Variants in GPAT3 observed in about 807,000 individuals in gnomAD.
GPAT3 encodes 1-AGP acyltransferase 9.
A neutral mutation model predicts 58.8 loss-of-function variants in GPAT3; 53 were observed. That is an observed-to-expected ratio of 0.90 (90% CI 0.72 to 1.13). The LOEUF is 1.13. Among genes scored for constraint, GPAT3 ranks in the 50% most tolerant of loss-of-function variants. GPAT3 has a pLI of 0.00. For missense variants in GPAT3, 511 were observed against 527.6 expected (o/e 0.97, Z 0.31); for synonymous variants, 197 against 187.4 (o/e 1.05, Z -0.42).
At position 83,551,529 on chromosome 4, in the gene GPAT3, C is replaced by T. The variant is rs550075315; in HGVS notation, c.208+6927C>T. On this transcript the variant is annotated intron_variant, in intron 2 of 11. Transcript: ENST00000264409. The stretch of plus-strand genomic sequence containing the variant: ...TATACCTGGGCTGGGCGCAGTGGCT[C>T]ATGCCTGTAATCCCAGCACTTTGGG... Among the ~76,000 whole-genome samples, 231 of 152,132 alleles carry T rather than the reference C, an allele frequency of 1.5e-3. 1 individual carries two copies. Among genetic ancestry groups the T allele is most frequent in the Non-Finnish European group, 2.6e-3 (180 of 67,998 alleles).
chr4:83,547,493 C>CCGCT (rs1724585173), intron 2 of GPAT3, among the ~76,000 whole-genome samples: 1 of 151,968 alleles, frequency 6.6e-6, no homozygotes, highest in African/African-American at 2.4e-5. Context: ...ACCTTGTGAT[C>CCGCT]TGCCCACCTC....
At chr4:83,542,932 A>C (rs1309216902) in intron 1 of GPAT3, among the ~76,000 whole-genome samples, 1 of 152,142 alleles carries the variant, frequency 6.6e-6, no homozygotes, top group Non-Finnish European at 1.5e-5. Context: ...CTGGAGGTGG[A>C]GATTGCAGTG....
intron 4 of GPAT3, 117 bp downstream of exon 4, chr4:83,587,446 A>T: frequency 2.0e-6 from 2 of 996,184 alleles, no homozygotes; most frequent in Non-Finnish European, 2.9e-6. Flanking sequence ...ATTATTTTTG[A>T]GACGGAGTCT....
At chr4:83,578,520 A>G (rs539868447) in intron 2 of GPAT3, among the ~76,000 whole-genome samples, 1 of 152,166 alleles carries the variant, frequency 6.6e-6, no homozygotes, top group South Asian at 2.1e-4. Context: ...TTGAACTTGC[A>G]TTCTTATCTC....
chr4:83,546,649 G>A (rs1213289806), intron 2 of GPAT3, among the ~76,000 whole-genome samples: 3 of 152,062 alleles, frequency 2.0e-5, no homozygotes, highest in Admixed American at 2.0e-4. Flanking sequence ...ATTGGAAATT[G>A]ACTCTCACAG....
At chr4:83,595,147 G>A (rs1726773357) in intron 7 of GPAT3, 187 bp downstream of exon 7, 2 of 500,286 alleles carry the variant, frequency 4.0e-6, no homozygotes, top group South Asian at 2.6e-5. Context: ...CTGTAGTCAT[G>A]GTAGGATATA....
intron 1 of GPAT3, 97 bp from the exon 2 acceptor site, chr4:83,544,439 G>A (rs1724426415): frequency 4.1e-6 from 5 of 1,229,432 alleles, no homozygotes; most frequent in Non-Finnish European, 6.0e-6. Flanking sequence ...CACTGCCAGA[G>A]CTTGATGTGT....
At chr4:83,549,444 C>CGTGTGTGT (rs142294690) in intron 2 of GPAT3, among the ~76,000 whole-genome samples, 3 of 145,748 alleles carry the variant, frequency 2.1e-5, no homozygotes, top group African/African-American at 2.5e-5. Context: ...TTTTATTTTG[C>CGTGTGTGT]GTGTGTGTGT....
At position 83,596,914 on chromosome 4, in the gene GPAT3, G is replaced by C. The variant is rs754810634; in HGVS notation, c.910+1G>C. 4.4e-6 allele frequency: 7 copies of C among 1,601,716 alleles called. No homozygotes were observed. In the East Asian group the frequency reaches 1.3e-4, roughly 31 times the overall value. ...CTACCCATACTAATTTTTCCTGAAG[G>C]TAAGAATGGGCCTGCCTCCCGAGCT... is the stretch of plus-strand genomic sequence containing the variant. On this transcript the variant is annotated splice_donor_variant, in intron 8 of 11. Coordinates refer to ENST00000264409, the MANE Select transcript of GPAT3 (RefSeq NM_032717.5). LOFTEE classifies it high-confidence loss of function.
At position 83,605,627 on chromosome 4, in the gene GPAT3, T is replaced by C. The variant is rs1286837094; in HGVS notation, c.*860T>C. ...AGCTACCCCTCACCCTCCACCCCTT[T>C]GTGCTTTTTATTCCCGAATTTTCCC... On this transcript the variant is annotated 3_prime_UTR_variant, in exon 12 of 12. Coordinates refer to ENST00000264409, the MANE Select transcript of GPAT3 (RefSeq NM_032717.5). 1 of 152,588 alleles carries C rather than the reference T, an allele frequency of 6.6e-6. No individual in the cohort carries two copies. The highest frequency in any genetic ancestry group is 2.4e-5 in the African/African-American group (1 of 41,436). The allele number at this position is 152,588 out of a possible 1,614,324, so 9.5% of individuals were successfully genotyped here.
chr4:83,536,506 G>C lies in GPAT3; in HGVS notation c.-117G>C. 6.7e-7 allele frequency: 1 copy of C among 1,502,868 alleles called. No homozygotes were observed. The highest frequency in any genetic ancestry group is 8.8e-7 in the Non-Finnish European group (1 of 1,130,250). 93.1% of individuals were successfully genotyped at this position (1,502,868 alleles called of 1,614,324 possible). A position where few individuals can be genotyped will look rare whatever the true frequency, so the allele number is the denominator to read the frequency against. On this transcript the variant is annotated 5_prime_UTR_variant, in exon 1 of 12. Coordinates refer to ENST00000264409, the MANE Select transcript of GPAT3 (RefSeq NM_032717.5). Reference sequence around the variant, plus strand: ...TCCTTCCTCTCTTCCCTTCGCAGAGGTGAGTGCCGGGCTCGGCGCTCTGCT... The same window carrying C: ...TCCTTCCTCTCTTCCCTTCGCAGAGCTGAGTGCCGGGCTCGGCGCTCTGCT...
chr4:83,596,901 AT>A lies in GPAT3; in HGVS notation c.903del (p.Pro302LeufsTer12). ...TGATAAGAAGAAACTACCCATACTA[AT>A]TTTTCCTGAAGGTAAGAATGGGCCT... ...IADKKKLPIL[I>X]FPEGTCINNT... On this transcript the variant is annotated frameshift_variant, in exon 8 of 12. Transcript: ENST00000264409. LOFTEE classifies it high-confidence loss of function. 1 of 1,600,762 alleles carries A rather than the reference AT, an allele frequency of 6.2e-7. No homozygotes were observed.
chr4:83,568,728 C>A (rs1268598003), intron 2 of GPAT3, among the ~76,000 whole-genome samples: 1 of 151,936 alleles, frequency 6.6e-6, no homozygotes, highest in African/African-American at 2.4e-5. Context: ...AGGATAGGCT[C>A]GATCTCCTGA....
chr4:83,566,337 C>G (rs1320706129), intron 2 of GPAT3, among the ~76,000 whole-genome samples: 1 of 151,986 alleles, frequency 6.6e-6, no homozygotes, highest in African/African-American at 2.4e-5. Context: ...CCAAACCTGG[C>G]CAATAGTTGT....
chr4:83,598,111 C>T lies in GPAT3; in HGVS notation c.1057C>T (p.Leu353=). 1 of 1,613,650 alleles carries T rather than the reference C, an allele frequency of 6.2e-7. No homozygotes were observed. Among genetic ancestry groups the T allele is most frequent in the Non-Finnish European group, 8.5e-7 (1 of 1,179,858 alleles). Residue 353 remains leucine, a synonymous_variant, in exon 10 of 12, where the codon CTG becomes TTG. Transcript: ENST00000264409. ...TAGTAAATACAACATGGTGAGCTACCTGCTTCGAATGATGACCAGCTGGGC... is the reference window on the plus strand; with the variant it reads ...TAGTAAATACAACATGGTGAGCTACTTGCTTCGAATGATGACCAGCTGGGC... The part of the protein sequence containing the change: ...NSSKYNMVSY[L]LRMMTSWAIV...
At chr4:83,603,146 ACAGT>A (rs774313934) in intron 11 of GPAT3, among the ~76,000 whole-genome samples, 14 of 152,188 alleles carry the variant, frequency 9.2e-5, no homozygotes, top group East Asian at 1.9e-4. Context: ...TTAAAATTAA[ACAGT>A]CAGAGTATAA....
intron 2 of GPAT3, among the ~76,000 whole-genome samples, chr4:83,575,449 G>A (rs1193874024): frequency 6.6e-6 from 1 of 151,668 alleles, no homozygotes; most frequent in Non-Finnish European, 1.5e-5. Context: ...GGCTTGCTCT[G>A]TCGCCCAGGC....
At chr4:83,543,282 C>G (rs973514050) in intron 1 of GPAT3, among the ~76,000 whole-genome samples, 6 of 152,026 alleles carry the variant, frequency 3.9e-5, no homozygotes, top group African/African-American at 1.2e-4. Context: ...TGTCTCTGCC[C>G]CTTCAAGGGT....
At chr4:83,578,988 CCT>C (rs1725947324) in intron 2 of GPAT3, among the ~76,000 whole-genome samples, 1 of 104,598 alleles carries the variant, frequency 9.6e-6, no homozygotes, top group Non-Finnish European at 1.8e-5. Flanking sequence ...TTCTTTCTTT[CCT>C]TCCTTCCTTC....
Sources: allele counts gnomAD v4.1 joint callset (sites outside exome capture counted in the v4.1 genomes callset), GRCh38; gene constraint gnomAD v4.1.1; transcripts MANE v1.5; gene names NCBI Gene and HGNC (gene_info 2026-07-23, HGNC 2026-07-21).